DLGAP2: variants seen among roughly 807,000 people sequenced by gnomAD.
DLGAP2 encodes DLG associated protein 2.
A neutral mutation model predicts 100.3 loss-of-function variants in DLGAP2; 26 were observed. The observed-to-expected ratio is 0.26, with a 90% CI of 0.19 to 0.36. The LOEUF (loss-of-function observed/expected upper bound fraction) is 0.36. Among genes scored for constraint, DLGAP2 ranks in the 10% least tolerant of loss-of-function variants. The pLI is 1.00. For synonymous variants in DLGAP2, 886 were observed against 630.1 expected (o/e 1.41, Z -6.08); for missense variants, 1,858 against 1,453.2 (o/e 1.28, Z -4.53).
At chr8:871,800 C>G (rs972600837) in intron 1 of DLGAP2, among the ~76,000 whole-genome samples, 6 of 152,148 alleles carry the variant, frequency 3.9e-5, no homozygotes, top group African/African-American at 1.4e-4. Flanking sequence ...GAGAAACTGA[C>G]CCTCTGTTAA....
intron 3 of DLGAP2, among the ~76,000 whole-genome samples, chr8:1,419,910 A>G (rs1797042628): frequency 6.6e-6 from 1 of 152,230 alleles, no homozygotes; most frequent in Non-Finnish European, 1.5e-5. Context: ...AGGAGATGGA[A>G]TCGACCTGAG....
chr8:1,309,209 C>A (rs1198039669), intron 3 of DLGAP2, among the ~76,000 whole-genome samples: 1 of 152,118 alleles, frequency 6.6e-6, no homozygotes, highest in Non-Finnish European at 1.5e-5. Context: ...AAGCCAAAAA[C>A]ATCCAAAATT....
chr8:1,002,399 A>G (rs1270322841), intron 2 of DLGAP2: 4 of 152,254 alleles, frequency 2.6e-5, no homozygotes, highest in Non-Finnish European at 4.4e-5. Context: ...GAAATGAACA[A>G]TTGACTATTT....
chr8:1,258,080 A>G (rs149327479), intron 2 of DLGAP2, among the ~76,000 whole-genome samples: 1,726 of 152,360 alleles, frequency 0.011, 16 homozygotes, highest in South Asian at 0.047. Flanking sequence ...TTCTGCAGGC[A>G]GAGCCAAGTT....
chr8:1,442,663 G>T lies in DLGAP2; in HGVS notation c.107-58703G>T, dbSNP rs535917175. Among the ~76,000 whole-genome samples the T allele has an allele frequency of 3.5e-5, 5 of 141,256 alleles. No homozygotes were observed. In the South Asian group the frequency reaches 1.2e-3, roughly 33 times the overall value. The allele number at this position is 141,256 out of a possible 152,430, so 92.7% of individuals were successfully genotyped here. A position where few individuals can be genotyped will look rare whatever the true frequency, so the allele number is the denominator to read the frequency against. On this transcript the variant is annotated intron_variant, in intron 3 of 14. Coordinates refer to ENST00000637795, the MANE Select transcript of DLGAP2 (RefSeq NM_001346810.2). ...TTCAGCCACTGGAGGAGACGGATCC[G>T]GGCATAGACCCGCCAGGCTGCTGTG...
chr8:1,294,755 G>A (rs1019342009), intron 3 of DLGAP2, among the ~76,000 whole-genome samples: 3 of 152,044 alleles, frequency 2.0e-5, no homozygotes, highest in Non-Finnish European at 4.4e-5. Flanking sequence ...TGTAATCCTG[G>A]CACTTTGGGA....
chr8:1,164,512 G>C (rs1392950724), intron 2 of DLGAP2, among the ~76,000 whole-genome samples: 1 of 152,034 alleles, frequency 6.6e-6, no homozygotes, highest in Non-Finnish European at 1.5e-5. Flanking sequence ...AACCAGGTTG[G>C]GCGTGTGGGA....
At position 1,638,971 on chromosome 8, in the gene DLGAP2, A is replaced by G. The variant is rs192564400; in HGVS notation, c.1810+5925A>G. ...TCATGGAGTGCAGGTAAAAGAAGGG[A>G]TGGCCAGTACAACCGGGGAGCCGGG... On this transcript the variant is annotated intron_variant, in intron 8 of 14. Transcript: ENST00000637795. 2.5e-4 allele frequency among the ~76,000 whole-genome samples: 38 copies of G among 152,266 alleles called. No homozygotes were observed. The East Asian group carries it at 7.2e-3, about 29-fold the overall frequency.
At chr8:1,041,842 C>G (rs1394410142) in intron 2 of DLGAP2, among the ~76,000 whole-genome samples, 9 of 139,430 alleles carry the variant, frequency 6.5e-5, no homozygotes, top group Admixed American at 6.3e-4. Flanking sequence ...CGTGGGTCAG[C>G]GTTCTCCGAG....
intron 1 of DLGAP2, among the ~76,000 whole-genome samples, chr8:838,190 T>C (rs927765369): frequency 1.3e-5 from 2 of 152,136 alleles, no homozygotes; most frequent in African/African-American, 4.8e-5. Context: ...GCATCGTACT[T>C]CTTGTCTTTC....
chr8:1,668,944 G>GA (rs79772618), intron 9 of DLGAP2, among the ~76,000 whole-genome samples: 29,170 of 152,136 alleles, frequency 0.19, 3,748 homozygotes, highest in East Asian at 0.48. Context: ...CTGCCACCCT[G>GA]AAAATACACT....
At chr8:1,551,693 A>G (rs74491372) in intron 5 of DLGAP2, among the ~76,000 whole-genome samples, 4,018 of 151,802 alleles carry the variant, frequency 0.026, 188 homozygotes, top group African/African-American at 0.093. Context: ...TTCCATCTGC[A>G]CTCACGCCTT....
intron 3 of DLGAP2, among the ~76,000 whole-genome samples, chr8:1,302,837 G>A (rs917110362): frequency 3.3e-5 from 5 of 152,254 alleles, no homozygotes; most frequent in East Asian, 1.9e-4. Context: ...TGACGGCGCC[G>A]CTGGAGTCGA....
At chr8:899,488 G>C (rs531527074) in intron 1 of DLGAP2, among the ~76,000 whole-genome samples, 1 of 152,204 alleles carries the variant, frequency 6.6e-6, no homozygotes. Context: ...ACTGGCCTGC[G>C]AGAGGCAGAG....
intron 6 of DLGAP2, among the ~76,000 whole-genome samples, chr8:1,613,699 A>C (rs891043035): frequency 6.6e-6 from 1 of 152,118 alleles, no homozygotes; most frequent in Admixed American, 6.6e-5. Flanking sequence ...ATATTTTGGG[A>C]GAGTAGTTTA....
chr8:1,288,490 G>A (rs1447597515), intron 3 of DLGAP2, among the ~76,000 whole-genome samples: 4 of 138,734 alleles, frequency 2.9e-5, no homozygotes, highest in Non-Finnish European at 6.1e-5. Context: ...TTCAGTGTGT[G>A]TGTGTGTGTG....
At chr8:1,243,938 TCCTCATCTA>T (rs1798851597) in intron 2 of DLGAP2, among the ~76,000 whole-genome samples, 1 of 152,212 alleles carries the variant, frequency 6.6e-6, no homozygotes, top group African/African-American at 2.4e-5. Context: ...CTGCTGTGTG[TCCTCATCTA>T]CCTTCCAGCT....
intron 8 of DLGAP2, among the ~76,000 whole-genome samples, chr8:1,652,354 C>T (rs573921508): frequency 2.0e-5 from 3 of 152,260 alleles, no homozygotes; most frequent in South Asian, 2.1e-4. Flanking sequence ...CCACAGGGGC[C>T]GGGTTTTCCT....
intron 4 of DLGAP2, among the ~76,000 whole-genome samples, chr8:1,535,001 G>A (rs1415380150): frequency 6.6e-6 from 1 of 152,258 alleles, no homozygotes; most frequent in Non-Finnish European, 1.5e-5. Flanking sequence ...AGAGCGCACT[G>A]TTTTCGTGTC....
Sources: gnomAD v4.1 joint callset for allele counts (sites outside exome capture counted in the v4.1 genomes callset) on GRCh38, gnomAD v4.1.1 for gene constraint, MANE v1.5 for transcripts, NCBI Gene and HGNC (gene_info 2026-07-23, HGNC 2026-07-21) for gene names.